Variants in AMN1 observed in about 807,000 individuals in gnomAD.
AMN1 encodes the protein protein AMN1 homolog.
In AMN1, 20 loss-of-function variants were observed where a neutral mutation model predicts 33.0. The ratio of observed to expected loss-of-function variants is 0.61; its 90% confidence interval spans 0.43 to 0.88. The LOEUF is 0.88. Ranked by LOEUF, AMN1 falls within the 40% of genes least tolerant of loss-of-function variation. The pLI is 0.00. For synonymous variants in AMN1, 114 were observed against 111.9 expected, an observed-to-expected ratio of 1.02 and a Z score of -0.12; for missense variants, 246 against 307.4, an observed-to-expected ratio of 0.80 and a Z score of 1.49.
In AMN1 at chr12:31,671,239, C is replaced by T. The variant is rs1951263018; in HGVS notation, c.*1065G>A. On this transcript the variant is annotated 3_prime_UTR_variant, in exon 7 of 7. Transcript: ENST00000281471. ...CCCATTTTGCACATATATACATATG[C>T]ACCACCTTTGCAGTGGCAACATATA... 6.6e-6 allele frequency: 1 copy of T among 152,166 alleles called. No homozygotes were observed. The highest frequency in any genetic ancestry group is 2.4e-5 in the African/African-American group (1 of 41,434). 9.4% of individuals were successfully genotyped at this position (152,166 alleles called of 1,614,324 possible).
chr12:31,676,544 G>T (rs560331348), intron 6 of AMN1, among the ~76,000 whole-genome samples: 1 of 150,024 alleles, frequency 6.7e-6, no homozygotes, highest in Middle Eastern at 3.2e-3. Flanking sequence ...GGATGGTCTC[G>T]ATCTCCTGAC....
At chr12:31,712,473 C>A (rs766567895) in intron 1 of AMN1, among the ~76,000 whole-genome samples, 3 of 152,146 alleles carry the variant, frequency 2.0e-5, no homozygotes, top group Non-Finnish European at 4.4e-5. Flanking sequence ...GTCTTGAACT[C>A]TTGACCTCGT....
rs972450527 is a variant in AMN1, at chr12:31,705,721, A to C, written c.171+3572T>G. On this transcript the variant is annotated intron_variant, in intron 2 of 6. Coordinates refer to ENST00000281471, the MANE Select transcript of AMN1 (RefSeq NM_001113402.2). Reference sequence around the variant, plus strand: ...TCCAGAACATATAAACAAAAAGAAGAAGCAGATAAGCTATAGGTCTGCCTT... The same window carrying C: ...TCCAGAACATATAAACAAAAAGAAGCAGCAGATAAGCTATAGGTCTGCCTT... Among the ~76,000 whole-genome samples the C allele has an allele frequency of 3.3e-5, 5 of 152,122 alleles. No individual in the cohort carries two copies. In the East Asian group the frequency reaches 5.8e-4, roughly 18 times the overall value.
chr12:31,724,086 C>A (rs186172690), intron 1 of AMN1, among the ~76,000 whole-genome samples: 54 of 152,258 alleles, frequency 3.5e-4, no homozygotes, highest in African/African-American at 1.2e-3. Flanking sequence ...CCTGTGGACA[C>A]CTGAAATCAT....
chr12:31,680,437 G>T (rs1012251429), intron 6 of AMN1, among the ~76,000 whole-genome samples: 5 of 152,258 alleles, frequency 3.3e-5, no homozygotes, highest in Admixed American at 3.3e-4. Flanking sequence ...CTGACCTCAG[G>T]TGATCCGCCT....
At chr12:31,712,822 A>G (rs1283559193) in intron 1 of AMN1, among the ~76,000 whole-genome samples, 1 of 151,558 alleles carries the variant, frequency 6.6e-6, no homozygotes, top group Non-Finnish European at 1.5e-5. Flanking sequence ...CACTCAGCTA[A>G]TTTTTTCTTT....
intron 1 of AMN1, chr12:31,715,798 G>C (rs541541211): frequency 2.1e-4 from 32 of 153,984 alleles, no homozygotes; most frequent in Non-Finnish European, 4.1e-4. Context: ...TGAAAGACAA[G>C]AGACTGGCAG....
chr12:31,702,029 G>GA, intron 2 of AMN1, 22 bp from the exon 3 acceptor site: 1 of 1,545,626 alleles, frequency 6.5e-7, no homozygotes, highest in Non-Finnish European at 8.7e-7. Context: ...AAGTGATTTT[G>GA]AAAAAATTAT....
chr12:31,701,094 G>A (rs1938977518), intron 3 of AMN1, among the ~76,000 whole-genome samples: 1 of 148,014 alleles, frequency 6.8e-6, no homozygotes, highest in African/African-American at 2.5e-5. Context: ...CCACCTCCTA[G>A]GTTCAAGCGA....
chr12:31,720,136 T>C (rs910069967), intron 1 of AMN1, among the ~76,000 whole-genome samples: 1 of 152,268 alleles, frequency 6.6e-6, no homozygotes, highest in African/African-American at 2.4e-5. Flanking sequence ...TTAATCATTT[T>C]ACAGTGTGCA....
intron 3 of AMN1, among the ~76,000 whole-genome samples, chr12:31,700,942 G>A (rs1385352742): frequency 6.6e-6 from 1 of 151,950 alleles, no homozygotes; most frequent in Non-Finnish European, 1.5e-5. Flanking sequence ...ACCCGCCTAG[G>A]CCTCCCAAAG....
Position 31,701,904 on chromosome 12 carries a change from A to C in AMN1, c.275T>G (p.Leu92Ter), listed in dbSNP as rs749989333. 5.6e-6 allele frequency: 9 copies of C among 1,608,212 alleles called. No homozygotes were observed. The highest frequency in any genetic ancestry group is 1.1e-5 in the South Asian group (1 of 89,398). The change falls in exon 3 of 7, where the codon TTA becomes TGA. Residue 92 changes from leucine (L) to a stop codon, truncating the protein, a stop_gained. Coordinates refer to ENST00000281471, the MANE Select transcript of AMN1 (RefSeq NM_001113402.2). LOFTEE classifies it high-confidence loss of function. The part of the protein sequence containing the change: ...SNCRKLKKLN[L>*]NASKGNRVSV... ...AACTCGGTTCCCTTTTGAAGCATTT[A>C]AATTTAATTTCTTCAGTTTTCTACA...
At chr12:31,717,648 T>C (rs1273495886) in intron 1 of AMN1, among the ~76,000 whole-genome samples, 1 of 152,228 alleles carries the variant, frequency 6.6e-6, no homozygotes, top group Non-Finnish European at 1.5e-5. Flanking sequence ...CTTATTTAAT[T>C]CACAAGAGGC....
intron 6 of AMN1, among the ~76,000 whole-genome samples, chr12:31,679,880 T>C (rs1937917474): frequency 6.6e-6 from 1 of 152,054 alleles, no homozygotes; most frequent in East Asian, 1.9e-4. Context: ...ATCTCAGTAC[T>C]TTGGGAGGCT....
At chr12:31,676,569 G>A (rs572157450) in intron 6 of AMN1, among the ~76,000 whole-genome samples, 3 of 150,410 alleles carry the variant, frequency 2.0e-5, no homozygotes, top group South Asian at 2.2e-4. Flanking sequence ...TGATCTGCCC[G>A]CCTTGGCCTC....
At chr12:31,688,238 G>A (rs954540503) in intron 6 of AMN1, among the ~76,000 whole-genome samples, 26 of 152,194 alleles carry the variant, frequency 1.7e-4, no homozygotes, top group Non-Finnish European at 1.2e-4. Flanking sequence ...ATAGGCATGA[G>A]CCACCACGCC....
intron 5 of AMN1, among the ~76,000 whole-genome samples, chr12:31,696,204 T>TC (rs35373152): frequency 0.02 from 3,056 of 152,020 alleles, 45 homozygotes; most frequent in Middle Eastern, 0.048. Flanking sequence ...ACCACTGCAC[T>TC]CCAGCCTGGG....
At position 31,686,919 on chromosome 12, in the gene AMN1, C is replaced by T. The variant is rs536887706; in HGVS notation, c.703+2088G>A. On this transcript the variant is annotated intron_variant, in intron 6 of 6. Transcript: ENST00000281471. The stretch of plus-strand genomic sequence containing the variant: ...CACATGATATAAAATTCAAAAGATA[C>T]AAAAGGGTATACAATGACATTTTTT... 2.1e-4 allele frequency among the ~76,000 whole-genome samples: 32 copies of T among 152,282 alleles called. No homozygotes were observed. The South Asian group carries it at 6.2e-3, about 30-fold the overall frequency.
intron 1 of AMN1, among the ~76,000 whole-genome samples, chr12:31,723,139 C>A (rs763751399): frequency 6.6e-6 from 1 of 151,992 alleles, no homozygotes; most frequent in African/African-American, 2.4e-5. Flanking sequence ...GCCTGGGCAA[C>A]AGAGTGAGAC....
Sources: gnomAD v4.1 joint callset for allele counts (sites outside exome capture counted in the v4.1 genomes callset) on GRCh38, gnomAD v4.1.1 for gene constraint, MANE v1.5 for transcripts, NCBI Gene and HGNC (gene_info 2026-07-23, HGNC 2026-07-21) for gene names.